Variants in TXNRD1 observed in about 807,000 individuals in gnomAD.
TXNRD1 encodes the protein thioredoxin reductase 1, cytoplasmic.
TXNRD1 carries 57 observed loss-of-function variants against 80.3 expected under a neutral mutation model. That is an observed-to-expected ratio of 0.71 (90% confidence interval 0.57 to 0.89). The LOEUF (loss-of-function observed/expected upper bound fraction) is 0.89. Among genes scored for constraint, TXNRD1 ranks in the 40% least tolerant of loss-of-function variants. The pLI is 0.00. For missense variants in TXNRD1, 730 were observed against 803.0 expected, an observed-to-expected ratio of 0.91 and a Z score of 1.10; for synonymous variants, 291 against 285.2, an observed-to-expected ratio of 1.02 and a Z score of -0.20.
At chr12:104,337,053 A>G (rs531700429) in intron 15 of TXNRD1, among the ~76,000 whole-genome samples, 1 of 152,112 alleles carries the variant, frequency 6.6e-6, no homozygotes, top group South Asian at 2.1e-4. Flanking sequence ...GAATGCATAC[A>G]CATTATACAG....
chr12:104,299,916 A>G (rs1164892517), intron 4 of TXNRD1, among the ~76,000 whole-genome samples: 2 of 152,222 alleles, frequency 1.3e-5, no homozygotes, highest in Non-Finnish European at 2.9e-5. Context: ...AAAAGCTGCT[A>G]TGAAAGAAGG....
intron 1 of TXNRD1, among the ~76,000 whole-genome samples, chr12:104,225,066 TACTA>T (rs559229848): frequency 6.6e-6 from 1 of 152,346 alleles, no homozygotes; most frequent in South Asian, 2.1e-4. Context: ...ATTTAATACT[TACTA>T]ACCATCTTCC....
intron 3 of TXNRD1, among the ~76,000 whole-genome samples, chr12:104,288,124 G>A (rs1593754960): frequency 6.6e-6 from 1 of 152,168 alleles, no homozygotes; most frequent in Middle Eastern, 3.4e-3. Flanking sequence ...CTGAGTAGCT[G>A]GGATTACAGG....
intron 10 of TXNRD1, among the ~76,000 whole-genome samples, 183 bp downstream of exon 10, chr12:104,321,499 T>G (rs2035530759): frequency 6.6e-6 from 1 of 152,212 alleles, no homozygotes; most frequent in Admixed American, 6.5e-5. Flanking sequence ...TATATAGCTT[T>G]GTTCTTATTT....
chr12:104,301,243 G>A (rs2034614884), intron 4 of TXNRD1, among the ~76,000 whole-genome samples: 1 of 152,158 alleles, frequency 6.6e-6, no homozygotes, highest in Non-Finnish European at 1.5e-5. Context: ...GCAAATTGGT[G>A]TCAGCCTATT....
rs374273996 is a variant in TXNRD1, at chr12:104,315,802, G to A, written c.636G>A (p.Val212=). 16 of 1,609,666 alleles carry A rather than the reference G, an allele frequency of 9.9e-6. No individual in the cohort carries two copies. The African/African-American group carries it at 1.9e-4, about 19-fold the overall frequency. ...GTCTCGGAGGAACATGTGTGAATGT[G>A]GGTTGCATACCTAAAAAACTGATGC... The part of the protein sequence containing the change: ...RWGLGGTCVN[V]GCIPKKLMHQ... Residue 212 remains valine, a synonymous_variant, in exon 7 of 17, where the codon GTG becomes GTA. Coordinates refer to ENST00000525566, the MANE Select transcript of TXNRD1 (RefSeq NM_001093771.3).
At chr12:104,262,022 A>G (rs1437493849) in intron 3 of TXNRD1, among the ~76,000 whole-genome samples, 1 of 151,968 alleles carries the variant, frequency 6.6e-6, no homozygotes, top group Non-Finnish European at 1.5e-5. Flanking sequence ...TTTTGGGATT[A>G]CAGGCGCGAG....
intron 1 of TXNRD1, among the ~76,000 whole-genome samples, chr12:104,238,908 G>A (rs2032798551): frequency 6.6e-6 from 1 of 151,866 alleles, no homozygotes; most frequent in Non-Finnish European, 1.5e-5. Context: ...GTGCAATGGT[G>A]TGATCTCAGC....
At chr12:104,288,808 G>A in intron 3 of TXNRD1, 123 bp from the exon 4 acceptor site, 1 of 1,598,692 alleles carries the variant, frequency 6.3e-7, no homozygotes. Flanking sequence ...ACTTGCAAGG[G>A]AGTCAACAGA....
rs77686585 is a variant in TXNRD1, at chr12:104,287,260, G to A, written c.305-1671G>A. 7.6e-4 allele frequency: 1,227 copies of A among 1,613,902 alleles called. 7 individuals are homozygous for A. The African/African-American group carries it at 9.8e-3, about 13-fold the overall frequency. On this transcript the variant is annotated intron_variant, in intron 3 of 16. Coordinates refer to ENST00000525566, the MANE Select transcript of TXNRD1 (RefSeq NM_001093771.3). Reference sequence around the variant, plus strand: ...GGAAGATATTTTAAGGCGTGTCTGAGCAGACGGGGAGGCTTTTCCAAACCC... The same window carrying A: ...GGAAGATATTTTAAGGCGTGTCTGAACAGACGGGGAGGCTTTTCCAAACCC...
chr12:104,339,266 G>T lies in TXNRD1; in HGVS notation c.1874G>T (p.Cys625Phe). Residue 625 changes from cysteine (C) to phenylalanine (F), a missense_variant, in exon 16 of 17, where the codon TGT becomes TTT. Coordinates refer to ENST00000525566, the MANE Select transcript of TXNRD1 (RefSeq NM_001093771.3). Reference protein sequence around the residue: ...LDSTIGIHPVCAEVFTTLSVT... With the variant: ...LDSTIGIHPVFAEVFTTLSVT... ...AGCACAATTGGAATCCACCCTGTCT[G>T]TGCAGAGGTGGGTCATCTACACTTA... 1.9e-6 allele frequency: 3 copies of T among 1,613,800 alleles called. No homozygotes were observed. The highest frequency in any genetic ancestry group is 2.5e-6 in the Non-Finnish European group (3 of 1,179,802).
intron 12 of TXNRD1, 138 bp from the exon 13 acceptor site, chr12:104,327,377 T>C (rs2035800576): frequency 1.3e-6 from 1 of 753,890 alleles, no homozygotes; most frequent in Admixed American, 3.1e-5. Context: ...TTGAGCTGTT[T>C]TGTTTTATTT....
At chr12:104,305,919 C>CT (rs1160937524) in intron 4 of TXNRD1, among the ~76,000 whole-genome samples, 1 of 151,636 alleles carries the variant, frequency 6.6e-6, no homozygotes, top group Non-Finnish European at 1.5e-5. Context: ...TTTTTTTTCC[C>CT]CCTCGAGACA....
At chr12:104,218,909 A>G (rs970617728) in intron 1 of TXNRD1, among the ~76,000 whole-genome samples, 7 of 152,122 alleles carry the variant, frequency 4.6e-5, no homozygotes, top group African/African-American at 1.7e-4. Flanking sequence ...TACCCAGCCT[A>G]GATATTTTTC....
In TXNRD1 at chr12:104,239,224, G is replaced by A. The variant is rs567061717; in HGVS notation, c.92-12303G>A. Among the ~76,000 whole-genome samples, 8 of 144,338 alleles carry A rather than the reference G, an allele frequency of 5.5e-5. No homozygotes were observed. The East Asian group carries it at 1.4e-3, about 26-fold the overall frequency. The allele number at this position is 144,338 out of a possible 152,430, so 94.7% of individuals were successfully genotyped here. A position where few individuals can be genotyped will look rare whatever the true frequency, so the allele number is the denominator to read the frequency against. ...TTTTTTTTTTTTGAGACGGAGTTTC[G>A]CTCTTGCTCCACAGGCTGGAGTACA... On this transcript the variant is annotated intron_variant, in intron 1 of 16. Coordinates refer to ENST00000525566, the MANE Select transcript of TXNRD1 (RefSeq NM_001093771.3).
Position 104,319,506 on chromosome 12 carries a change from G to C in TXNRD1, c.910G>C (p.Ala304Pro). 6.3e-7 allele frequency: 1 copy of C among 1,599,124 alleles called. No individual in the cohort carries two copies. The highest frequency in any genetic ancestry group is 8.5e-7 in the Non-Finnish European group (1 of 1,172,498). Residue 304 changes from alanine (A) to proline (P), a missense_variant, in exon 9 of 17, where the codon GCA becomes CCA. Physicochemically the swap from Ala to Pro is conservative, Grantham distance 27. Coordinates refer to ENST00000525566, the MANE Select transcript of TXNRD1 (RefSeq NM_001093771.3). Reference sequence around the variant, plus strand: ...TAAAGGCAAAGAAAAAATTTATTCAGCAGAGAGATTTCTCATTGCCACTGG... The same window carrying C: ...TAAAGGCAAAGAAAAAATTTATTCACCAGAGAGATTTCTCATTGCCACTGG... ...NNKGKEKIYS[A>P]ERFLIATGER...
At chr12:104,333,837 T>G (rs2036043662) in intron 14 of TXNRD1, among the ~76,000 whole-genome samples, 3 of 152,208 alleles carry the variant, frequency 2.0e-5, no homozygotes, top group Admixed American at 2.0e-4. Flanking sequence ...ATAATTACCT[T>G]AATTGATCCT....
At chr12:104,288,333 G>A (rs1365380187) in intron 3 of TXNRD1, among the ~76,000 whole-genome samples, 3 of 152,182 alleles carry the variant, frequency 2.0e-5, no homozygotes, top group African/African-American at 7.2e-5. Context: ...GAATCTGTAT[G>A]TTCCACTGAG....
intron 13 of TXNRD1, among the ~76,000 whole-genome samples, chr12:104,330,848 A>G (rs1415611693): frequency 1.3e-5 from 2 of 152,126 alleles, no homozygotes; most frequent in African/African-American, 2.4e-5. Context: ...TCAGCCTCCC[A>G]AAGTGCTCGG....
Sources: gnomAD v4.1 joint callset for allele counts (sites outside exome capture counted in the v4.1 genomes callset) on GRCh38, gnomAD v4.1.1 for gene constraint, MANE v1.5 for transcripts, NCBI Gene and HGNC (gene_info 2026-07-23, HGNC 2026-07-21) for gene names.